The following LIPC variants were observed in gnomAD, a reference collection of about 807,000 sequenced individuals.
The protein encoded by LIPC is lipase C, hepatic type.
LIPC carries 44 observed loss-of-function variants against 50.7 expected under a neutral mutation model. The observed-to-expected ratio is 0.87, with a 90% confidence interval of 0.68 to 1.11. The LOEUF (loss-of-function observed/expected upper bound fraction) is 1.11, where lower values mean the gene tolerates loss of function less well. LIPC is among the 50% of genes most tolerant of loss of function. The probability of loss-of-function intolerance (pLI) is 0.00; values close to 1 mark genes in which losing one functional copy is unlikely to be tolerated. For synonymous variants in LIPC, 271 were observed against 256.4 expected (o/e 1.06, Z -0.54); for missense variants, 697 against 648.2 (o/e 1.08, Z -0.82).
intron 1 of LIPC, among the ~76,000 whole-genome samples, chr15:58,499,085 G>T (rs1281344811): frequency 1.3e-5 from 2 of 152,182 alleles, no homozygotes; most frequent in African/African-American, 4.8e-5. Context: ...GGCTGGGGTG[G>T]GAAGAATGGA....
intron 6 of LIPC, among the ~76,000 whole-genome samples, chr15:58,549,858 A>T (rs1893684703): frequency 6.6e-6 from 1 of 152,138 alleles, no homozygotes; most frequent in Non-Finnish European, 1.5e-5. Flanking sequence ...CAGGTGAGGG[A>T]ATTTGGAAGT....
At chr15:58,469,479 A>G (rs1240715732) in intron 1 of LIPC, among the ~76,000 whole-genome samples, 1 of 152,174 alleles carries the variant, frequency 6.6e-6, no homozygotes, top group Non-Finnish European at 1.5e-5. Context: ...TCAAAGCCAT[A>G]GTGATGCTTT....
intron 1 of LIPC, among the ~76,000 whole-genome samples, chr15:58,447,775 C>G (rs1410353053): frequency 2.0e-5 from 3 of 152,130 alleles, no homozygotes; most frequent in Non-Finnish European, 4.4e-5. Flanking sequence ...GACGCCAGTG[C>G]CACTGGTCCC....
At chr15:58,488,014 G>A in intron 1 of LIPC, among the ~76,000 whole-genome samples, 1 of 152,218 alleles carries the variant, frequency 6.6e-6, no homozygotes, top group Non-Finnish European at 1.5e-5. Flanking sequence ...GCTCACACCT[G>A]TAATCCAGAA....
chr15:58,476,975 C>T (rs1177160869), intron 1 of LIPC, among the ~76,000 whole-genome samples: 2 of 152,198 alleles, frequency 1.3e-5, no homozygotes, highest in Non-Finnish European at 2.9e-5. Flanking sequence ...ATCAAACAAC[C>T]TGGTCTCAGA....
intron 1 of LIPC, among the ~76,000 whole-genome samples, chr15:58,446,589 A>G (rs1893702482): frequency 6.6e-6 from 1 of 152,014 alleles, no homozygotes; most frequent in Admixed American, 6.5e-5. Flanking sequence ...ACTTGCTGCC[A>G]ATTCTCACAC....
chr15:58,502,060 G>A (rs531283751), intron 1 of LIPC, among the ~76,000 whole-genome samples: 5 of 152,166 alleles, frequency 3.3e-5, no homozygotes, highest in Admixed American at 3.3e-4. Flanking sequence ...GCTTGAGGCT[G>A]GACCTGAAGG....
Position 58,432,131 on chromosome 15 carries a change from G to T in LIPC, c.88+11G>T. The T allele has an allele frequency of 1.3e-6, 2 of 1,593,588 alleles. No homozygotes were observed. Among genetic ancestry groups the T allele is most frequent in the South Asian group, 2.2e-5 (2 of 90,648 alleles). ...AAAGCCTGAAACCAGGTAAGAGCCT[G>T]ACTTTTCTCCAGAGATGGGCATGAA... On this transcript the variant is annotated intron_variant, in intron 1 of 8. Coordinates refer to ENST00000299022, the MANE Select transcript of LIPC (RefSeq NM_000236.3).
At chr15:58,449,612 C>A (rs186127077) in intron 1 of LIPC, among the ~76,000 whole-genome samples, 1 of 151,562 alleles carries the variant, frequency 6.6e-6, no homozygotes, top group African/African-American at 2.4e-5. Flanking sequence ...TGCAGTAGCA[C>A]GATCCTGGCT....
At chr15:58,438,642 G>A (rs912659305) in intron 1 of LIPC, among the ~76,000 whole-genome samples, 1 of 152,208 alleles carries the variant, frequency 6.6e-6, no homozygotes, top group African/African-American at 2.4e-5. Context: ...TACTTGGGGC[G>A]AGAAGACCAA....
At chr15:58,502,272 GGCTCT>G (rs1271141571) in intron 1 of LIPC, among the ~76,000 whole-genome samples, 4 of 151,982 alleles carry the variant, frequency 2.6e-5, no homozygotes, top group African/African-American at 9.7e-5. Context: ...TCAGCACTTT[GGCTCT>G]GCTCTGGAAA....
In LIPC at chr15:58,546,042, A is replaced by C. The variant is rs1893518716; in HGVS notation, c.808+67A>C. 6.8e-6 allele frequency: 9 copies of C among 1,329,298 alleles called. No individual in the cohort carries two copies. The South Asian group carries it at 1.1e-4, about 16-fold the overall frequency. The allele number at this position is 1,329,298 out of a possible 1,614,324, so 82.3% of individuals were successfully genotyped here. ...CAATGGGGCCTCTGGAATTCAGCGG[A>C]ATCTACCAACATACGGGACTCAGGG... On this transcript the variant is annotated intron_variant, in intron 5 of 8. Coordinates refer to ENST00000299022, the MANE Select transcript of LIPC (RefSeq NM_000236.3).
intron 1 of LIPC, among the ~76,000 whole-genome samples, chr15:58,463,876 A>C (rs1185412452): frequency 2.6e-5 from 4 of 152,214 alleles, no homozygotes; most frequent in African/African-American, 9.6e-5. Flanking sequence ...GGTCAATACA[A>C]ATAAAATCAT....
chr15:58,519,387 G>A (rs1446350250), intron 1 of LIPC, among the ~76,000 whole-genome samples: 1 of 148,780 alleles, frequency 6.7e-6, no homozygotes, highest in Non-Finnish European at 1.5e-5. Flanking sequence ...CTCCAGCCTG[G>A]GTGACACAGA....
At chr15:58,437,517 T>C (rs1447847066) in intron 1 of LIPC, among the ~76,000 whole-genome samples, 2 of 152,116 alleles carry the variant, frequency 1.3e-5, no homozygotes, top group Non-Finnish European at 2.9e-5. Context: ...GTTTGGAGGA[T>C]TTAAGTACTT....
At chr15:58,472,051 C>T (rs1195546937) in intron 1 of LIPC, among the ~76,000 whole-genome samples, 1 of 152,048 alleles carries the variant, frequency 6.6e-6, no homozygotes, top group Non-Finnish European at 1.5e-5. Flanking sequence ...GGGTGGATCA[C>T]CTGAGGTCAG....
At chr15:58,534,820 A>G (rs1040637707) in intron 1 of LIPC, among the ~76,000 whole-genome samples, 2 of 152,130 alleles carry the variant, frequency 1.3e-5, no homozygotes, top group African/African-American at 4.8e-5. Flanking sequence ...TGACATTCCT[A>G]TCTTTATTGT....
chr15:58,500,066 G>C (rs72743003), intron 1 of LIPC, among the ~76,000 whole-genome samples: 1 of 151,928 alleles, frequency 6.6e-6, no homozygotes, highest in African/African-American at 2.4e-5. Flanking sequence ...GACAGGGCAC[G>C]GGGCAGAGTC....
At chr15:58,485,872 G>A (rs1338717556) in intron 1 of LIPC, among the ~76,000 whole-genome samples, 1 of 152,222 alleles carries the variant, frequency 6.6e-6, no homozygotes. Context: ...TGAGAACAAT[G>A]AGAACTTCTG....
Sources: allele counts gnomAD v4.1 joint callset (sites outside exome capture counted in the v4.1 genomes callset), GRCh38; gene constraint gnomAD v4.1.1; transcripts MANE v1.5; gene names NCBI Gene and HGNC (gene_info 2026-07-23, HGNC 2026-07-21).